Variants in SUV39H2 observed in about 807,000 individuals in gnomAD.
The protein encoded by SUV39H2 is SUV39H2 histone lysine methyltransferase.
In SUV39H2, 10 loss-of-function variants were observed where a neutral mutation model predicts 47.5. That is an observed-to-expected ratio of 0.21 (90% CI 0.13 to 0.36). The LOEUF (loss-of-function observed/expected upper bound fraction) is 0.36. SUV39H2 is among the 10% of genes least tolerant of loss of function. The pLI, the probability that SUV39H2 is intolerant of heterozygous loss-of-function variation, is 1.00. For missense variants in SUV39H2, 266 were observed against 487.4 expected, an observed-to-expected ratio of 0.55 and a Z score of 4.28; for synonymous variants, 159 against 166.8, an observed-to-expected ratio of 0.95 and a Z score of 0.36.
At position 14,902,824 on chromosome 10, in the gene SUV39H2, C is replaced by T. The variant is rs573558597; in HGVS notation, c.*312C>T. ...AAATGCCTCCCGTAGTGTTTGAAAGCGTTAAGCTGATAATGTAATTAACAA... is the reference window on the plus strand; with the variant it reads ...AAATGCCTCCCGTAGTGTTTGAAAGTGTTAAGCTGATAATGTAATTAACAA... On this transcript the variant is annotated 3_prime_UTR_variant, in exon 6 of 6. Transcript: ENST00000354919. 7 of 167,378 alleles carry T rather than the reference C, an allele frequency of 4.2e-5. No individual in the cohort carries two copies. The South Asian group carries it at 5.5e-4, about 13-fold the overall frequency. The allele number at this position is 167,378 out of a possible 1,614,324, so 10.4% of individuals were successfully genotyped here. A position where few individuals can be genotyped will look rare whatever the true frequency, so the allele number is the denominator to read the frequency against.
chr10:14,891,795 A>G (rs930518439), intron 2 of SUV39H2, among the ~76,000 whole-genome samples: 6 of 152,228 alleles, frequency 3.9e-5, no homozygotes, highest in African/African-American at 1.2e-4. Flanking sequence ...GGTTGCTTTA[A>G]GAACCATCCG....
At chr10:14,897,697 T>C (rs956313854) in intron 3 of SUV39H2, 180 bp downstream of exon 3, 4 of 453,560 alleles carry the variant, frequency 8.8e-6, no homozygotes, top group Admixed American at 4.2e-5. Flanking sequence ...TAAAAAACTT[T>C]TATATGAATA....
chr10:14,886,100 T>C (rs1011449136), intron 2 of SUV39H2, among the ~76,000 whole-genome samples: 1 of 152,272 alleles, frequency 6.6e-6, no homozygotes, highest in African/African-American at 2.4e-5. Flanking sequence ...TAAGATGTAC[T>C]GAGCACCTGT....
At chr10:14,880,532 C>T (rs1244541462) in intron 1 of SUV39H2, among the ~76,000 whole-genome samples, 2 of 152,184 alleles carry the variant, frequency 1.3e-5, no homozygotes, top group Non-Finnish European at 2.9e-5. Context: ...TCACATAGCT[C>T]GGTGACCGAG....
chr10:14,896,113 T>C (rs995705757), intron 2 of SUV39H2, among the ~76,000 whole-genome samples: 55 of 152,084 alleles, frequency 3.6e-4, no homozygotes, highest in Non-Finnish European at 8.8e-5. Flanking sequence ...CAGCTAATTT[T>C]TGTGTTTTTA....
At chr10:14,894,361 T>TG (rs1833493050) in intron 2 of SUV39H2, among the ~76,000 whole-genome samples, 2 of 49,974 alleles carry the variant, frequency 4.0e-5, no homozygotes, top group Non-Finnish European at 6.4e-5. Context: ...CAAAGTTTTT[T>TG]TTTTTTTTTT....
At chr10:14,882,312 A>G (rs1005330808) in intron 2 of SUV39H2, among the ~76,000 whole-genome samples, 3 of 152,230 alleles carry the variant, frequency 2.0e-5, no homozygotes, top group East Asian at 1.9e-4. Context: ...TACCAAATCT[A>G]TCAGATAAGT....
intron 2 of SUV39H2, among the ~76,000 whole-genome samples, chr10:14,892,250 A>G (rs1254250014): frequency 6.6e-6 from 1 of 152,228 alleles, no homozygotes; most frequent in East Asian, 1.9e-4. Flanking sequence ...TTCCTAACTA[A>G]CAAGATGGAG....
At position 14,881,605 on chromosome 10, in the gene SUV39H2, A is replaced by G; in HGVS notation, c.137A>G (p.Asn46Ser). The G allele has an allele frequency of 6.2e-7, 1 of 1,601,632 alleles. No homozygotes were observed. The highest frequency in any genetic ancestry group is 1.7e-5 in the Admixed American group (1 of 57,494). ...SIGITKRNLNNYEVEYLCDYK... is the reference protein window; with the variant it reads ...SIGITKRNLNSYEVEYLCDYK... ...GGAATCACCAAAAGGAATCTAAACA[A>G]TTATGAGGTGGAATACTTGTGTGAC... Residue 46 changes from asparagine (N) to serine (S), a missense_variant, in exon 2 of 6, where the codon AAT becomes AGT. Transcript: ENST00000354919.
chr10:14,899,721 C>G, intron 4 of SUV39H2, 36 bp downstream of exon 4: 1 of 1,608,708 alleles, frequency 6.2e-7, no homozygotes, highest in Non-Finnish European at 8.5e-7. Context: ...ACACGACTAA[C>G]AATTCAACCT....
At position 14,891,510 on chromosome 10, in the gene SUV39H2, C is replaced by CTGTA. The variant is rs143405469; in HGVS notation, c.178-5335_178-5332dup. On this transcript the variant is annotated intron_variant, in intron 2 of 5. Coordinates refer to ENST00000354919, the MANE Select transcript of SUV39H2 (RefSeq NM_001193424.2). ...GTAAAGAAGGATAGAGTGTTTGAAG[C>CTGTA]TGTAAGTCTGGAGTAGGGAAACTAG... 1.5e-3 allele frequency among the ~76,000 whole-genome samples: 233 copies of CTGTA among 152,206 alleles called. 6 individuals carry two copies. In the East Asian group the frequency reaches 0.042, roughly 27 times the overall value.
chr10:14,891,020 TA>T (rs1218055296), intron 2 of SUV39H2, among the ~76,000 whole-genome samples: 3 of 152,166 alleles, frequency 2.0e-5, no homozygotes, highest in African/African-American at 7.2e-5. Context: ...TTGGGGGCTA[TA>T]AAAAATAAGA....
intron 2 of SUV39H2, among the ~76,000 whole-genome samples, chr10:14,892,751 C>G (rs185468355): frequency 6.6e-6 from 1 of 152,016 alleles, no homozygotes; most frequent in South Asian, 2.1e-4. Flanking sequence ...CGTTCATATA[C>G]TTATTATAGA....
chr10:14,886,331 C>T (rs1374743556), intron 2 of SUV39H2, among the ~76,000 whole-genome samples: 1 of 152,184 alleles, frequency 6.6e-6, no homozygotes, highest in Non-Finnish European at 1.5e-5. Context: ...CCTGCCCTTC[C>T]TCACCTCCAG....
intron 1 of SUV39H2, 76 bp from the exon 2 acceptor site, chr10:14,881,424 G>A: frequency 8.2e-7 from 1 of 1,224,998 alleles, no homozygotes; most frequent in Non-Finnish European, 1.0e-6. Flanking sequence ...ATGGGGAATA[G>A]AGGTTTTAAG....
At position 14,901,281 on chromosome 10, in the gene SUV39H2, G is replaced by C; in HGVS notation, c.1126+19G>C. The C allele has an allele frequency of 6.2e-7, 1 of 1,613,036 alleles. No homozygotes were observed. The highest frequency in any genetic ancestry group is 8.5e-7 in the Non-Finnish European group (1 of 1,179,414). ...ATGAAAGGTATGCTTTTCAAGTACA[G>C]TTTCATTGGTGTCAGTTTCAATATG... On this transcript the variant is annotated intron_variant, in intron 5 of 5. Transcript: ENST00000354919.
chr10:14,901,052 G>T, intron 4 of SUV39H2, 81 bp from the exon 5 acceptor site: 1 of 1,523,352 alleles, frequency 6.6e-7, no homozygotes, highest in Non-Finnish European at 8.9e-7. Flanking sequence ...AAATCTCTAG[G>T]AAAGTAAACA....
chr10:14,887,558 T>G (rs1833252066), intron 2 of SUV39H2, among the ~76,000 whole-genome samples: 1 of 152,198 alleles, frequency 6.6e-6, no homozygotes, highest in Non-Finnish European at 1.5e-5. Context: ...TAGTGAGATC[T>G]AACTAGAAAC....
chr10:14,896,202 C>CA (rs1193127534), intron 2 of SUV39H2, among the ~76,000 whole-genome samples: 2 of 152,170 alleles, frequency 1.3e-5, no homozygotes. Flanking sequence ...CTTGGCCTCC[C>CA]AAAATGCTGG....
Sources: allele counts gnomAD v4.1 joint callset (sites outside exome capture counted in the v4.1 genomes callset), GRCh38; gene constraint gnomAD v4.1.1; transcripts MANE v1.5; gene names NCBI Gene and HGNC (gene_info 2026-07-23, HGNC 2026-07-21).